NBEA: variants seen among roughly 807,000 people sequenced by gnomAD.
NBEA encodes the protein neurobeachin, also known as lysosomal-trafficking regulator 2.
A neutral mutation model predicts 343.4 loss-of-function variants in NBEA; 44 were observed. The ratio of observed to expected loss-of-function variants is 0.13; its 90% confidence interval spans 0.10 to 0.16. The LOEUF (loss-of-function observed/expected upper bound fraction) is 0.16, where lower values mean the gene tolerates loss of function less well. Among genes scored for constraint, NBEA ranks in the 10% least tolerant of loss-of-function variants. The pLI is 1.00. For synonymous variants in NBEA, 1,175 were observed against 1,238.7 expected (o/e 0.95, Z 1.08); for missense variants, 2,555 against 3,631.3 (o/e 0.70, Z 7.62).
At chr13:34,964,520 T>C (rs2059759219) in intron 1 of NBEA, among the ~76,000 whole-genome samples, 1 of 152,056 alleles carries the variant, frequency 6.6e-6, no homozygotes, top group Non-Finnish European at 1.5e-5. Context: ...GTTGCTCATG[T>C]TCCTTAGTTC....
intron 35 of NBEA, among the ~76,000 whole-genome samples, chr13:35,308,498 GTGTATATATATATGTGTATATA>G (rs2037096329): frequency 1.1e-5 from 1 of 87,222 alleles, no homozygotes; most frequent in Non-Finnish European, 2.3e-5. Flanking sequence ...GTATATATAT[GTGTATATATATATGTGTATATA>G]TGTATATATA....
chr13:35,577,705 T>C (rs931419854), intron 45 of NBEA, among the ~76,000 whole-genome samples: 1 of 152,118 alleles, frequency 6.6e-6, no homozygotes, highest in African/African-American at 2.4e-5. Context: ...TATTGCTCGC[T>C]TAAAAAGGTT....
intron 48 of NBEA, among the ~76,000 whole-genome samples, chr13:35,613,195 T>C (rs2082598002): frequency 6.6e-6 from 1 of 150,902 alleles, no homozygotes; most frequent in African/African-American, 2.4e-5. Context: ...ATTTCCCCTT[T>C]CCCTATCCAT....
intron 11 of NBEA, among the ~76,000 whole-genome samples, chr13:35,106,518 G>A (rs1381812885): frequency 6.6e-6 from 1 of 151,804 alleles, no homozygotes; most frequent in Admixed American, 6.6e-5. Context: ...TTAGGAAAGA[G>A]ATTTCTTTTT....
chr13:35,584,089 A>G (rs2081178867), intron 46 of NBEA, 51 bp downstream of exon 46: 3 of 1,481,624 alleles, frequency 2.0e-6, no homozygotes, highest in East Asian at 2.3e-5. Flanking sequence ...AAATTTTAAC[A>G]TAAGTAAATT....
chr13:35,114,091 A>G (rs1280436616), intron 13 of NBEA, among the ~76,000 whole-genome samples: 2 of 152,186 alleles, frequency 1.3e-5, no homozygotes, highest in Non-Finnish European at 2.9e-5. Flanking sequence ...TTTGGTGGAT[A>G]TGGTTTTTAG....
intron 41 of NBEA, among the ~76,000 whole-genome samples, chr13:35,480,161 C>G (rs1594771801): frequency 6.6e-6 from 1 of 151,596 alleles, no homozygotes; most frequent in East Asian, 1.9e-4. Flanking sequence ...CTTAACACTT[C>G]GAAGCGTTCG....
chr13:35,377,365 T>G (rs1435288994), intron 38 of NBEA, among the ~76,000 whole-genome samples: 1 of 152,174 alleles, frequency 6.6e-6, no homozygotes, highest in African/African-American at 2.4e-5. Flanking sequence ...GACTACATAG[T>G]CAATTTAGGT....
At chr13:34,966,200 T>G (rs919489722) in intron 1 of NBEA, among the ~76,000 whole-genome samples, 8 of 152,092 alleles carry the variant, frequency 5.3e-5, no homozygotes, top group African/African-American at 1.4e-4. Flanking sequence ...CAAGAGGCTT[T>G]TATAAGAGAG....
At chr13:35,021,496 T>C (rs976131994) in intron 1 of NBEA, among the ~76,000 whole-genome samples, 1 of 152,216 alleles carries the variant, frequency 6.6e-6, no homozygotes, top group Admixed American at 6.5e-5. Flanking sequence ...GCAGTTATCA[T>C]TGCTGTTTAT....
chr13:35,169,176 C>G lies in NBEA; in HGVS notation c.4242+181C>G, dbSNP rs531050391. 1.3e-4 allele frequency among the ~76,000 whole-genome samples: 20 copies of G among 151,578 alleles called. No homozygotes were observed. In the South Asian group the frequency reaches 2.1e-3, roughly 16 times the overall value. On this transcript the variant is annotated intron_variant, in intron 25 of 58. Coordinates refer to ENST00000379939, the MANE Select transcript of NBEA (RefSeq NM_001385012.1). The stretch of plus-strand genomic sequence containing the variant: ...ATTTTCCCAATGCATTGATGTATTA[C>G]TATTTTATTATGCACAATAATCCCT...
intron 13 of NBEA, among the ~76,000 whole-genome samples, chr13:35,112,085 T>G (rs1402176745): frequency 6.6e-6 from 1 of 151,740 alleles, no homozygotes; most frequent in African/African-American, 2.4e-5. Context: ...CCCGGCTAAT[T>G]TTTTTATATT....
At chr13:35,088,071 A>G (rs1263628679) in intron 10 of NBEA, among the ~76,000 whole-genome samples, 4 of 151,858 alleles carry the variant, frequency 2.6e-5, no homozygotes, top group Admixed American at 6.6e-5. Context: ...CTGAGGTATC[A>G]CCTACCATAG....
intron 18 of NBEA, among the ~76,000 whole-genome samples, chr13:35,154,481 C>T (rs1185640609): frequency 1.3e-5 from 2 of 152,226 alleles, no homozygotes; most frequent in African/African-American, 4.8e-5. Context: ...TTAAATATAA[C>T]CTCATAGGGT....
intron 40 of NBEA, among the ~76,000 whole-genome samples, chr13:35,470,814 G>T (rs2075610904): frequency 6.6e-6 from 1 of 152,216 alleles, no homozygotes; most frequent in Admixed American, 6.5e-5. Flanking sequence ...AGGAGGGCCT[G>T]GGGAATAGAA....
chr13:35,158,740 A>T (rs1426969256), intron 21 of NBEA, among the ~76,000 whole-genome samples: 1 of 152,136 alleles, frequency 6.6e-6, no homozygotes, highest in Non-Finnish European at 1.5e-5. Context: ...GGTAACATTG[A>T]AATACTTAGC....
intron 7 of NBEA, among the ~76,000 whole-genome samples, chr13:35,056,667 A>G (rs1169611356): frequency 6.6e-6 from 1 of 152,126 alleles, no homozygotes; most frequent in African/African-American, 2.4e-5. Context: ...GCAGAATAGG[A>G]AAGTTCAAGG....
chr13:35,410,087 C>A (rs962480424), intron 38 of NBEA, among the ~76,000 whole-genome samples: 1 of 152,036 alleles, frequency 6.6e-6, no homozygotes, highest in African/African-American at 2.4e-5. Flanking sequence ...TATCAAGAAT[C>A]ATCATTAATA....
intron 38 of NBEA, among the ~76,000 whole-genome samples, chr13:35,410,783 A>G (rs185232269): frequency 5.8e-4 from 89 of 152,280 alleles, no homozygotes; most frequent in African/African-American, 2.1e-3. Flanking sequence ...ACAAGGAGCC[A>G]AATCAAGACT....
Sources: allele counts gnomAD v4.1 joint callset (sites outside exome capture counted in the v4.1 genomes callset), GRCh38; gene constraint gnomAD v4.1.1; transcripts MANE v1.5; gene names NCBI Gene and HGNC (gene_info 2026-07-23, HGNC 2026-07-21).